The following PLA2G6 variants were observed in gnomAD, a reference collection of about 807,000 sequenced individuals.
PLA2G6 encodes phospholipase A2 group VI, also known as 85/88 kDa calcium-independent phospholipase A2.
A neutral mutation model predicts 83.8 loss-of-function variants in PLA2G6; 62 were observed. The ratio of observed to expected loss-of-function variants is 0.74; its 90% confidence interval spans 0.60 to 0.91. The LOEUF (loss-of-function observed/expected upper bound fraction) is 0.91. Ranked by LOEUF, PLA2G6 falls within the 40% of genes least tolerant of loss-of-function variation. The pLI is 0.00. For synonymous variants in PLA2G6, 417 were observed against 449.8 expected (o/e 0.93, Z 0.92); for missense variants, 944 against 1,102.0 (o/e 0.86, Z 2.03).
At chr22:38,126,728 A>G (rs948844959) in intron 9 of PLA2G6, 1 of 484,986 alleles carries the variant, frequency 2.1e-6, no homozygotes, top group Non-Finnish European at 3.8e-6. Flanking sequence ...GTTCCCCTCA[A>G]TCTCTTCCTC....
intron 3 of PLA2G6, chr22:38,143,579 G>C (rs112213962): frequency 3.8e-6 from 2 of 524,736 alleles, no homozygotes; most frequent in East Asian, 3.6e-5. Flanking sequence ...CACAGAACAC[G>C]GATATCTCAC....
Position 38,129,543 on chromosome 22 carries a change from A to T in PLA2G6, c.1097T>A (p.Ile366Asn), listed in dbSNP as rs778225931. Residue 366 changes from isoleucine (I) to asparagine (N), a missense_variant, in exon 8 of 17, where the codon ATC (isoleucine) becomes AAC (asparagine). By Grantham distance (149) the Ile-to-Asn change is moderately radical (BLOSUM62 -3). Transcript: ENST00000332509. ...LAMSKDNVEMIKALIVFGAEV... is the reference protein window; with the variant it reads ...LAMSKDNVEMNKALIVFGAEV... ...TGCTCCGAACACGATGAGGGCCTTG[A>T]TCATCTCCACGTTGTCTTTCTGTTG... is the stretch of plus-strand genomic sequence containing the variant. 13 of 1,613,630 alleles carry T rather than the reference A, an allele frequency of 8.1e-6. No individual in the cohort carries two copies. The South Asian group carries it at 1.3e-4, about 16-fold the overall frequency.
At chr22:38,174,953 A>C (rs993201099) in intron 1 of PLA2G6, among the ~76,000 whole-genome samples, 2 of 152,110 alleles carry the variant, frequency 1.3e-5, no homozygotes, top group African/African-American at 4.8e-5. Flanking sequence ...AGGGACCAAG[A>C]GGGTGGCTCA....
At chr22:38,120,689 G>A in intron 12 of PLA2G6, 70 bp downstream of exon 12, 1 of 1,566,638 alleles carries the variant, frequency 6.4e-7, no homozygotes, top group East Asian at 2.2e-5. Flanking sequence ...AGGACAGGGA[G>A]CCCTCTGTCC....
Position 38,174,382 on chromosome 22 carries a change from C to A in PLA2G6, c.-45-4911G>T, listed in dbSNP as rs576613458. On this transcript the variant is annotated intron_variant, in intron 1 of 16. Coordinates refer to ENST00000332509, the MANE Select transcript of PLA2G6 (RefSeq NM_003560.4). ...CACTGCACTCCAGCCTGGGCGAGAG[C>A]GAGACTCTGTCTCAAAAAAAAAGAA... 2.7e-5 allele frequency among the ~76,000 whole-genome samples: 4 copies of A among 150,112 alleles called. No homozygotes were observed. In the Admixed American group the frequency reaches 2.7e-4, roughly 10 times the overall value.
At chr22:38,116,876 A>C (rs999623996) in intron 12 of PLA2G6, among the ~76,000 whole-genome samples, 7 of 146,236 alleles carry the variant, frequency 4.8e-5, no homozygotes, top group East Asian at 2.0e-4. Context: ...AAAAAAAAAA[A>C]CAGAATATTT....
Position 38,115,552 on chromosome 22 carries a change from T to G in PLA2G6, c.2009A>C (p.Glu670Ala). The G allele has an allele frequency of 6.2e-7, 1 of 1,613,602 alleles. No homozygotes were observed. The highest frequency in any genetic ancestry group is 8.5e-7 in the Non-Finnish European group (1 of 1,179,906). ...PTLDAMTEIH[E>A]YNQDLIRKGQ... is the part of the protein sequence containing the mutation. ...CTTGCGGATCAGGTCCTGATTGTACTCATGGATCTCGGTCATGGCATCCAG... is the reference window on the plus strand; with the variant it reads ...CTTGCGGATCAGGTCCTGATTGTACGCATGGATCTCGGTCATGGCATCCAG... The change falls in exon 14 of 17, where the codon GAG becomes GCG. Residue 670 changes from glutamate (E) to alanine (A), a missense_variant. Transcript: ENST00000332509.
intron 11 of PLA2G6, among the ~76,000 whole-genome samples, chr22:38,122,433 C>A (rs1656455070): frequency 6.6e-6 from 1 of 152,114 alleles, no homozygotes; most frequent in African/African-American, 2.4e-5. Context: ...CACAGAGGAG[C>A]CGTCACAACA....
intron 12 of PLA2G6, among the ~76,000 whole-genome samples, chr22:38,116,870 A>C (rs1186668497): frequency 3.3e-5 from 5 of 151,086 alleles, no homozygotes; most frequent in Admixed American, 6.6e-5. Flanking sequence ...AAAAAAAAAA[A>C]AAAAAACAGA....
Position 38,123,321 on chromosome 22 carries a change from C to T in PLA2G6, c.1428-63G>A. On this transcript the variant is annotated intron_variant, in intron 10 of 16. Coordinates refer to ENST00000332509, the MANE Select transcript of PLA2G6 (RefSeq NM_003560.4). The surrounding 1 kb of genome is among the most constrained non-coding windows in gnomAD (Gnocchi z 4.1). ...GCCACAGCCCAGTACTTTACATCCA[C>T]CCTCATAGCCCTTGTCCCCTGCAGC... 2.0e-6 allele frequency: 3 copies of T among 1,489,050 alleles called. No homozygotes were observed. Among genetic ancestry groups the T allele is most frequent in the Non-Finnish European group, 1.8e-6 (2 of 1,092,988 alleles). The allele number at this position is 1,489,050 out of a possible 1,614,324, so 92.2% of individuals were successfully genotyped here.
chr22:38,156,627 G>T (rs1569288970), intron 2 of PLA2G6, among the ~76,000 whole-genome samples: 1 of 151,918 alleles, frequency 6.6e-6, no homozygotes, highest in Non-Finnish European at 1.5e-5. Context: ...CTAATTTTTT[G>T]TATTTTTAGT....
At chr22:38,117,407 C>T (rs1251848111) in intron 12 of PLA2G6, among the ~76,000 whole-genome samples, 9 of 152,014 alleles carry the variant, frequency 5.9e-5, no homozygotes, top group Admixed American at 5.9e-4. Context: ...TGGGGTTTCA[C>T]TGTGGTCTTG....
In PLA2G6 at chr22:38,129,346, G is replaced by A. The variant is rs566571350; in HGVS notation, c.1186+108C>T. ...TGCTCCTGGCAGCTCTGAGCAGGGC[G>A]GGTCAGCACAGGATGCTGGCACCTG... On this transcript the variant is annotated intron_variant, in intron 8 of 16. Coordinates refer to ENST00000332509, the MANE Select transcript of PLA2G6 (RefSeq NM_003560.4). The A allele has an allele frequency of 2.9e-5, 23 of 788,190 alleles. 1 individual carries two copies. The highest frequency in any genetic ancestry group is 1.1e-4 in the South Asian group (8 of 71,682). The allele number at this position is 788,190 out of a possible 1,614,324, so 48.8% of individuals were successfully genotyped here.
At chr22:38,125,580 G>A (rs2087804841) in intron 10 of PLA2G6, 6 of 445,566 alleles carry the variant, frequency 1.3e-5, no homozygotes, top group South Asian at 8.2e-5. Context: ...AGAGCCTGCG[G>A]TAGCACAAAG....
At position 38,128,930 on chromosome 22, in the gene PLA2G6, C is replaced by A. The variant is rs1001361861; in HGVS notation, c.1187-500G>T. Among the ~76,000 whole-genome samples, 8 of 152,252 alleles carry A rather than the reference C, an allele frequency of 5.3e-5. No homozygotes were observed. Among genetic ancestry groups the A allele is most frequent in the Admixed American group, 5.2e-4 (8 of 15,290 alleles). ...GCCATCAGGTACCTGCCCACAGTGA[C>A]CCCCACAGCTGCTGAAACCCTCCAG... On this transcript the variant is annotated intron_variant, in intron 8 of 16. Transcript: ENST00000332509. The surrounding 1 kb of genome is among the most constrained non-coding windows in gnomAD (Gnocchi z 4.4).
intron 10 of PLA2G6, among the ~76,000 whole-genome samples, chr22:38,125,437 T>C (rs1299945585): frequency 6.6e-6 from 1 of 151,914 alleles, no homozygotes. Context: ...TGGAAGTGAG[T>C]GCGAAGTGAG....
intron 1 of PLA2G6, among the ~76,000 whole-genome samples, chr22:38,174,646 G>T (rs1015856723): frequency 6.6e-6 from 1 of 152,206 alleles, no homozygotes; most frequent in Non-Finnish European, 1.5e-5. Context: ...TTTGCCAGCG[G>T]GGGAAATGGC....
At chr22:38,144,616 G>T in intron 3 of PLA2G6, 1 of 124,422 alleles carries the variant, frequency 8.0e-6, no homozygotes, top group Non-Finnish European at 1.6e-5. Flanking sequence ...CTGGGCGACA[G>T]AGCGAGACTC....
At chr22:38,154,651 T>C (rs1468983627) in intron 2 of PLA2G6, among the ~76,000 whole-genome samples, 2 of 152,132 alleles carry the variant, frequency 1.3e-5, no homozygotes, top group Non-Finnish European at 1.5e-5. Context: ...GAAGAACAGA[T>C]ACAAACAAGC....
Sources: allele counts gnomAD v4.1 joint callset (sites outside exome capture counted in the v4.1 genomes callset), GRCh38; gene constraint gnomAD v4.1.1; non-coding constraint Gnocchi (gnomAD v3.1); transcripts MANE v1.5; gene names NCBI Gene and HGNC (gene_info 2026-07-23, HGNC 2026-07-21).